Variants in RPN1 observed in about 807,000 individuals in gnomAD.
RPN1 encodes the protein dolichyl-diphosphooligosaccharide--protein glycosyltransferase subunit 1.
In RPN1, 12 loss-of-function variants were observed where a neutral mutation model predicts 55.5. The ratio of observed to expected loss-of-function variants is 0.22; its 90% confidence interval spans 0.14 to 0.35. The LOEUF is 0.35. RPN1 is among the 10% of genes least tolerant of loss of function. The pLI is 1.00. For synonymous variants in RPN1, 317 were observed against 305.9 expected (o/e 1.04, Z -0.38); for missense variants, 679 against 761.3 (o/e 0.89, Z 1.27).
In RPN1 at chr3:128,637,773, A is replaced by ATG. The variant is rs764085818; in HGVS notation, c.633+24_633+25dup. 3.1e-6 allele frequency: 5 copies of ATG among 1,601,598 alleles called. No homozygotes were observed. The South Asian group carries it at 5.5e-5, about 18-fold the overall frequency. On this transcript the variant is annotated intron_variant, in intron 3 of 9. Coordinates refer to ENST00000296255, the MANE Select transcript of RPN1 (RefSeq NM_002950.4). ...AAGACATTCTCTGAAGCAGACAGGG[A>ATG]TGGGCTGGACTCCACCTGAGCTTAC...
intron 3 of RPN1, among the ~76,000 whole-genome samples, chr3:128,637,371 C>T (rs17255991): frequency 0.071 from 10,828 of 152,182 alleles, 495 homozygotes; most frequent in Middle Eastern, 0.13. Flanking sequence ...GGCATGTTTG[C>T]GATTTGCCAT....
At position 128,630,002 on chromosome 3, in the gene RPN1, G is replaced by A. The variant is rs1171957453; in HGVS notation, c.985C>T (p.His329Tyr). ...GGGAGGTTGTAGCCAACGATGTAAT[G>A]GGTCTTCCACCCGCCAAAGAGAGGG... ...RFPLFGGWKT[H>Y]YIVGYNLPSY... The change falls in exon 5 of 10, where the codon CAT (histidine) becomes TAT (tyrosine). Residue 329 changes from histidine to tyrosine, a missense_variant. Transcript: ENST00000296255. 1 of 1,613,512 alleles carries A rather than the reference G, an allele frequency of 6.2e-7. No homozygotes were observed. The highest frequency in any genetic ancestry group is 8.5e-7 in the Non-Finnish European group (1 of 1,179,604).
At chr3:128,625,218 C>T (rs2107713668) in intron 8 of RPN1, among the ~76,000 whole-genome samples, 1 of 152,220 alleles carries the variant, frequency 6.6e-6, no homozygotes, top group East Asian at 1.9e-4. Context: ...AGGGGACTTC[C>T]ACCTCCAAGT....
chr3:128,650,068 T>C (rs181677951), intron 1 of RPN1, among the ~76,000 whole-genome samples: 4 of 152,226 alleles, frequency 2.6e-5, no homozygotes, highest in Non-Finnish European at 4.4e-5. Context: ...CATTTATTTG[T>C]CCTCTACTTG....
intron 3 of RPN1, among the ~76,000 whole-genome samples, chr3:128,636,041 T>C (rs1290502480): frequency 1.3e-5 from 2 of 152,178 alleles, no homozygotes; most frequent in African/African-American, 2.4e-5. Context: ...TAACTTGTTA[T>C]ATGTAATTTT....
chr3:128,638,309 C>T (rs559223022), intron 2 of RPN1, among the ~76,000 whole-genome samples: 20 of 152,278 alleles, frequency 1.3e-4, no homozygotes, highest in African/African-American at 4.6e-4. Flanking sequence ...ACAACCTCCA[C>T]CTCTTGGGTT....
At position 128,632,131 on chromosome 3, in the gene RPN1, G is replaced by T. The variant is rs1241046918; in HGVS notation, c.660C>A (p.Asn220Lys). The change falls in exon 4 of 10, where the codon AAC becomes AAA. Residue 220 changes from asparagine (N) to lysine (K), a missense_variant. This residue lies in a region of RPN1 where 352 missense variants were observed against 352.8 expected (regional missense o/e 1.00). Coordinates refer to ENST00000296255, the MANE Select transcript of RPN1 (RefSeq NM_002950.4). ...TGGTGATGGTCAGGAAAGGGCTGTT[G>T]TTCTCATAATGTACTTTAAAAGTAT... ...SQDTFKVHYE[N>K]NSPFLTITSM... 6.2e-7 allele frequency: 1 copy of T among 1,614,158 alleles called. No homozygotes were observed. Among genetic ancestry groups the T allele is most frequent in the Non-Finnish European group, 8.5e-7 (1 of 1,180,030 alleles).
Position 128,650,646 on chromosome 3 carries a change from T to C in RPN1, c.155A>G (p.Glu52Gly). The change falls in exon 1 of 10, where the codon GAG becomes GGG. Residue 52 changes from glutamate (E) to glycine (G), a missense_variant. Around this residue, in one of 3 missense-constraint regions of RPN1, gnomAD observed 352 missense variants for 352.8 expected, o/e 1.00. Transcript: ENST00000296255. The part of the protein sequence containing the change: ...LSSHLAKVTA[E>G]VVLAHLGGGS... ...GCCGCCCAGGTGCGCCAGGACCACC[T>C]CGGCCGTCACCTTAGCCAGGTGGCT... The C allele has an allele frequency of 2.6e-6, 4 of 1,559,558 alleles. No individual in the cohort carries two copies. Among genetic ancestry groups the C allele is most frequent in the Non-Finnish European group, 3.5e-6 (4 of 1,151,656 alleles).
intron 1 of RPN1, among the ~76,000 whole-genome samples, chr3:128,649,998 A>G (rs2069803588): frequency 6.6e-6 from 1 of 152,268 alleles, no homozygotes; most frequent in African/African-American, 2.4e-5. Flanking sequence ...CTCTATGTCT[A>G]GAAAGAAGCA....
intron 2 of RPN1, chr3:128,644,497 T>C (rs1007273641): frequency 7.2e-5 from 26 of 361,310 alleles, no homozygotes; most frequent in Non-Finnish European, 6.9e-5. Context: ...TACATACATA[T>C]ACACACACAC....
At chr3:128,624,435 G>A (rs1300392789) in intron 8 of RPN1, among the ~76,000 whole-genome samples, 4 of 151,114 alleles carry the variant, frequency 2.6e-5, no homozygotes, top group Admixed American at 6.6e-5. Context: ...AGCTGAGAGC[G>A]CACCACTGCA....
rs1047410571 is a variant in RPN1 at position 128,650,705 on chromosome 3, G to T, written c.96C>A (p.Ile32=). Reference sequence around the variant, plus strand: ...CCACTGTGCGCTTCACGTCCTCATTGATCAGCGGCGGTGCCTCGGAGGAGG... The same window carrying T: ...CCACTGTGCGCTTCACGTCCTCATTTATCAGCGGCGGTGCCTCGGAGGAGG... ...GSASSEAPPL[I]NEDVKRTVDL... The change falls in exon 1 of 10, where the codon ATC becomes ATA. Residue 32 remains isoleucine (I), a synonymous_variant. Coordinates refer to ENST00000296255, the MANE Select transcript of RPN1 (RefSeq NM_002950.4). 22 of 1,568,822 alleles carry T rather than the reference G, an allele frequency of 1.4e-5. No individual in the cohort carries two copies. The African/African-American group carries it at 1.6e-4, about 12-fold the overall frequency.
In RPN1 at chr3:128,644,953, A is replaced by G. The variant is rs113052638; in HGVS notation, c.292T>C (p.Leu98=). 5 of 1,579,230 alleles carry G rather than the reference A, an allele frequency of 3.2e-6. No individual in the cohort carries two copies. Among genetic ancestry groups the G allele is most frequent in the African/African-American group, 2.7e-5 (2 of 74,342 alleles). ...TTAATTTTGGTTTCACGTACTTCCAAATTGTTCTCTTCCTCATCTTCTCCC... is the reference window on the plus strand; with the variant it reads ...TTAATTTTGGTTTCACGTACTTCCAGATTGTTCTCTTCCTCATCTTCTCCC... ...VKGEDEEENN[L]EVRETKIKGK... The change falls in exon 2 of 10, where the codon TTG becomes CTG. Residue 98 remains leucine, a synonymous_variant. Transcript: ENST00000296255.
chr3:128,644,622 A>G (rs1194440685), intron 2 of RPN1: 1 of 542,134 alleles, frequency 1.8e-6, no homozygotes, highest in Non-Finnish European at 3.5e-6. Context: ...ATGGCACCAC[A>G]GTAATGGAGC....
At chr3:128,648,865 G>A (rs1362885590) in intron 1 of RPN1, among the ~76,000 whole-genome samples, 2 of 152,196 alleles carry the variant, frequency 1.3e-5, no homozygotes, top group African/African-American at 4.8e-5. Flanking sequence ...CACAACTTAC[G>A]GAATAAGCTG....
chr3:128,648,441 A>G (rs1462150997), intron 1 of RPN1, among the ~76,000 whole-genome samples: 1 of 151,854 alleles, frequency 6.6e-6, no homozygotes, highest in African/African-American at 2.4e-5. Context: ...TGCACCTGTA[A>G]TCCCAGTTAC....
chr3:128,633,990 AC>A (rs2069659825), intron 3 of RPN1, among the ~76,000 whole-genome samples: 2 of 152,020 alleles, frequency 1.3e-5, no homozygotes, highest in African/African-American at 2.4e-5. Context: ...CTCAAAAAAA[AC>A]AAATAAACAA....
chr3:128,630,171 A>C, intron 4 of RPN1, 28 bp from the exon 5 acceptor site: 3 of 1,520,130 alleles, frequency 2.0e-6, no homozygotes, highest in Non-Finnish European at 2.7e-6. Context: ...TGCCCTTCTA[A>C]AACTCCAGGA....
intron 4 of RPN1, among the ~76,000 whole-genome samples, chr3:128,631,515 G>A (rs1365165038): frequency 4.0e-5 from 6 of 151,842 alleles, no homozygotes; most frequent in Admixed American, 3.3e-4. Flanking sequence ...GCCAAGGCAG[G>A]TGGATCACTT....
Sources: allele counts gnomAD v4.1 joint callset (sites outside exome capture counted in the v4.1 genomes callset), GRCh38; gene constraint gnomAD v4.1.1; regional missense constraint gnomAD v4.1.1; transcripts MANE v1.5; gene names NCBI Gene and HGNC (gene_info 2026-07-23, HGNC 2026-07-21).